Variants in MACROD2 observed in about 807,000 individuals in gnomAD.
MACROD2 encodes the protein ADP-ribose glycohydrolase MACROD2.
Under a neutral mutation model 70.4 loss-of-function variants are expected in MACROD2, and 36 were observed. That is an observed-to-expected ratio of 0.51 (90% confidence interval 0.39 to 0.68). MACROD2 has a LOEUF of 0.68. MACROD2 is among the 30% of genes least tolerant of loss of function. The probability of loss-of-function intolerance (pLI) is 0.00; values close to 1 mark genes in which losing one functional copy is unlikely to be tolerated. For synonymous variants in MACROD2, 172 were observed against 178.8 expected (o/e 0.96, Z 0.30); for missense variants, 496 against 538.4 (o/e 0.92, Z 0.78).
intron 3 of MACROD2, among the ~76,000 whole-genome samples, chr20:14,370,589 C>T (rs1568581299): frequency 1.3e-5 from 2 of 152,132 alleles, no homozygotes; most frequent in Non-Finnish European, 2.9e-5. Context: ...ATCAACTGGT[C>T]AGAACTTAGT....
At chr20:14,236,365 G>A (rs968425255) in intron 3 of MACROD2, among the ~76,000 whole-genome samples, 5 of 151,788 alleles carry the variant, frequency 3.3e-5, no homozygotes, top group Admixed American at 2.6e-4. Context: ...GAATCAAAAC[G>A]CTTTCATGAT....
intron 5 of MACROD2, among the ~76,000 whole-genome samples, chr20:14,705,059 C>T (rs964669813): frequency 6.6e-6 from 1 of 151,862 alleles, no homozygotes; most frequent in Non-Finnish European, 1.5e-5. Flanking sequence ...TTAACAGATT[C>T]ATCATCTTAC....
intron 6 of MACROD2, among the ~76,000 whole-genome samples, chr20:15,411,054 A>G (rs182305042): frequency 5.3e-4 from 80 of 152,130 alleles, no homozygotes; most frequent in Non-Finnish European, 2.8e-4. Flanking sequence ...AACTTATGCT[A>G]TTCAATAATA....
In MACROD2 at chr20:14,618,913, T is replaced by G. The variant is rs1233104257; in HGVS notation, c.302-65930T>G. Among the ~76,000 whole-genome samples, 3 of 152,146 alleles carry G rather than the reference T, an allele frequency of 2.0e-5. No individual in the cohort carries two copies. In the East Asian group the frequency reaches 5.8e-4, roughly 29 times the overall value. On this transcript the variant is annotated intron_variant, in intron 4 of 17. Coordinates refer to ENST00000684519, the MANE Select transcript of MACROD2 (RefSeq NM_001351661.2). The stretch of plus-strand genomic sequence containing the variant: ...TAGCTGCCTGTCCTGGCAAAACTAT[T>G]CAAATCCTTAGAACCTTAGTTTTCT...
At chr20:15,199,954 A>T (rs1375446708) in intron 5 of MACROD2, among the ~76,000 whole-genome samples, 2 of 152,218 alleles carry the variant, frequency 1.3e-5, no homozygotes, top group Non-Finnish European at 2.9e-5. Flanking sequence ...TGAAAAGTTC[A>T]GTTCTGAAGA....
At chr20:15,131,529 T>C (rs2076105185) in intron 5 of MACROD2, among the ~76,000 whole-genome samples, 1 of 152,124 alleles carries the variant, frequency 6.6e-6, no homozygotes, top group Admixed American at 6.6e-5. Context: ...TAATCATTGA[T>C]ATCATTTAAG....
chr20:15,073,466 A>AACACAC (rs11468103), intron 5 of MACROD2, among the ~76,000 whole-genome samples: 1,639 of 144,030 alleles, frequency 0.011, 14 homozygotes, highest in East Asian at 0.018. Context: ...TAATTCTCCC[A>AACACAC]ACACACACAC....
At chr20:14,365,434 G>T (rs2083263144) in intron 3 of MACROD2, among the ~76,000 whole-genome samples, 1 of 151,150 alleles carries the variant, frequency 6.6e-6, no homozygotes, top group Non-Finnish European at 1.5e-5. Flanking sequence ...GTATAATAGT[G>T]TTTATAGTGT....
chr20:15,508,379 T>C (rs539708681), intron 8 of MACROD2, among the ~76,000 whole-genome samples: 1 of 152,132 alleles, frequency 6.6e-6, no homozygotes, highest in African/African-American at 2.4e-5. Context: ...GGTCTAGACC[T>C]TCTAGAAAGA....
At chr20:15,886,062 A>C (rs1376891636) in intron 10 of MACROD2, among the ~76,000 whole-genome samples, 1 of 152,184 alleles carries the variant, frequency 6.6e-6, no homozygotes, top group Non-Finnish European at 1.5e-5. Flanking sequence ...TGGTTAATAC[A>C]GTTATATAAC....
At chr20:14,765,560 T>C (rs759450898) in intron 5 of MACROD2, among the ~76,000 whole-genome samples, 6 of 152,088 alleles carry the variant, frequency 3.9e-5, no homozygotes, top group Non-Finnish European at 8.8e-5. Context: ...GGGTAGCTAG[T>C]GGTGGTGAGA....
intron 3 of MACROD2, among the ~76,000 whole-genome samples, chr20:14,489,578 T>C (rs190581685): frequency 2.8e-4 from 42 of 152,298 alleles, no homozygotes; most frequent in Non-Finnish European, 5.6e-4. Flanking sequence ...CCTTTTGATA[T>C]CCCATGTGCT....
rs2066219647 is a variant in MACROD2, at chr20:15,970,835, G to A, written c.985+3205G>A. 2.0e-5 allele frequency among the ~76,000 whole-genome samples: 3 copies of A among 152,074 alleles called. No homozygotes were observed. In the South Asian group the frequency reaches 6.2e-4, roughly 32 times the overall value. On this transcript the variant is annotated intron_variant, in intron 13 of 17. Transcript: ENST00000684519. The stretch of plus-strand genomic sequence containing the variant: ...GTGCCTGTTCCCACCAGCAAGACTG[G>A]AAAGCCTCAACATTCATAAAGAACT...
At chr20:14,781,005 C>A (rs886808477) in intron 5 of MACROD2, among the ~76,000 whole-genome samples, 1 of 152,106 alleles carries the variant, frequency 6.6e-6, no homozygotes, top group East Asian at 1.9e-4. Context: ...AATCACAGAA[C>A]TAGCATATCT....
At chr20:14,517,171 A>G (rs192348305) in intron 4 of MACROD2, among the ~76,000 whole-genome samples, 9 of 152,332 alleles carry the variant, frequency 5.9e-5, no homozygotes, top group Admixed American at 1.3e-4. Flanking sequence ...CATTTGACCC[A>G]GCAATCCCAT....
chr20:15,873,439 T>C (rs1048698014), intron 9 of MACROD2, among the ~76,000 whole-genome samples: 3 of 152,208 alleles, frequency 2.0e-5, no homozygotes, highest in Non-Finnish European at 4.4e-5. Flanking sequence ...ATTACTAATG[T>C]GGTTTAACAT....
Position 15,615,283 on chromosome 20 carries a change from G to A in MACROD2, c.645+115436G>A, listed in dbSNP as rs142559936. Reference sequence around the variant, plus strand: ...CACCCCCTCTCCATGTGAAGAGAGAGAGAAACTTCTGCACACTGTTAACCT... The same window carrying A: ...CACCCCCTCTCCATGTGAAGAGAGAAAGAAACTTCTGCACACTGTTAACCT... On this transcript the variant is annotated intron_variant, in intron 8 of 17. Transcript: ENST00000684519. Among the ~76,000 whole-genome samples the A allele has an allele frequency of 8.7e-4, 133 of 152,336 alleles. 1 individual carries two copies. In the East Asian group the frequency reaches 0.016, roughly 18 times the overall value.
At chr20:15,983,486 T>C (rs1213665659) in intron 13 of MACROD2, among the ~76,000 whole-genome samples, 1 of 152,134 alleles carries the variant, frequency 6.6e-6, no homozygotes, top group Non-Finnish European at 1.5e-5. Context: ...ATTCTTAAGC[T>C]TACTGCATCC....
chr20:15,432,030 A>T (rs922464489), intron 7 of MACROD2, among the ~76,000 whole-genome samples: 1 of 152,114 alleles, frequency 6.6e-6, no homozygotes. Context: ...AAGCTCTCTA[A>T]ATATTCTTCC....
Sources: allele counts gnomAD v4.1 joint callset (sites outside exome capture counted in the v4.1 genomes callset), GRCh38; gene constraint gnomAD v4.1.1; transcripts MANE v1.5; gene names NCBI Gene and HGNC (gene_info 2026-07-23, HGNC 2026-07-21).